Variants in NKAIN3 observed in about 807,000 individuals in gnomAD.
NKAIN3 encodes the protein sodium/potassium transporting ATPase interacting 3, also known as sodium/potassium-transporting ATPase subunit beta-1-interacting protein 3.
In NKAIN3, 25 loss-of-function variants were observed where a neutral mutation model predicts 30.2. The ratio of observed to expected loss-of-function variants is 0.83; its 90% confidence interval spans 0.60 to 1.16. The LOEUF (loss-of-function observed/expected upper bound fraction) is 1.16, where lower values mean the gene tolerates loss of function less well. Among genes scored for constraint, NKAIN3 ranks in the 50% most tolerant of loss-of-function variants. NKAIN3 has a pLI of 0.00. For synonymous variants in NKAIN3, 91 were observed against 89.6 expected, an observed-to-expected ratio of 1.02 and a Z score of -0.09; for missense variants, 225 against 254.1, an observed-to-expected ratio of 0.89 and a Z score of 0.78.
At position 62,416,251 on chromosome 8, in the gene NKAIN3, T is replaced by C. The variant is rs138094928; in HGVS notation, c.55-163288T>C. On this transcript the variant is annotated intron_variant, in intron 1 of 6. Transcript: ENST00000623646. ...TTAAGGATTCAATAGCTGTATTCAG[T>C]CAATATGTTTCTTCCTCTAAAATAA... is the stretch of plus-strand genomic sequence containing the variant. Among the ~76,000 whole-genome samples, 1,251 of 152,310 alleles carry C rather than the reference T, an allele frequency of 8.2e-3. 17 individuals carry two copies. The highest frequency in any genetic ancestry group is 0.029 in the African/African-American group (1,199 of 41,554).
At chr8:62,615,623 G>A (rs1811430146) in intron 3 of NKAIN3, among the ~76,000 whole-genome samples, 1 of 152,164 alleles carries the variant, frequency 6.6e-6, no homozygotes, top group Admixed American at 6.5e-5. Flanking sequence ...GCCCTTAGCA[G>A]GGAGGTTTGC....
At chr8:62,390,142 C>T (rs1167994213) in intron 1 of NKAIN3, among the ~76,000 whole-genome samples, 2 of 151,934 alleles carry the variant, frequency 1.3e-5, no homozygotes, top group African/African-American at 4.8e-5. Flanking sequence ...TTTTGTCACC[C>T]AGGTTTTAGG....
chr8:62,399,343 T>A (rs1267597328), intron 1 of NKAIN3, among the ~76,000 whole-genome samples: 1 of 151,828 alleles, frequency 6.6e-6, no homozygotes, highest in Non-Finnish European at 1.5e-5. Flanking sequence ...CCATCTCTAC[T>A]AAAAATACAA....
intron 6 of NKAIN3, among the ~76,000 whole-genome samples, chr8:62,955,943 C>T (rs1823407122): frequency 6.6e-6 from 1 of 152,190 alleles, no homozygotes; most frequent in South Asian, 2.1e-4. Flanking sequence ...AGCAATAGAA[C>T]AAGCTTCTGC....
intron 4 of NKAIN3, among the ~76,000 whole-genome samples, chr8:62,831,574 TC>T (rs1399248000): frequency 6.6e-6 from 1 of 151,938 alleles, no homozygotes; most frequent in Admixed American, 6.6e-5. Flanking sequence ...TTAAGAAATT[TC>T]AAAATACAAA....
At chr8:62,494,801 G>T (rs1253456090) in intron 1 of NKAIN3, among the ~76,000 whole-genome samples, 1 of 152,124 alleles carries the variant, frequency 6.6e-6, no homozygotes, top group Non-Finnish European at 1.5e-5. Context: ...AAGCCTAGAA[G>T]TGTTCATAGT....
chr8:62,967,945 A>G lies in NKAIN3; in HGVS notation c.*2538A>G, dbSNP rs141036534. ...AAGTGCAGATAACAGCTTTGAGGAA[A>G]AAATCCTTACCTTAGTGATTTGTCT... On this transcript the variant is annotated 3_prime_UTR_variant, in exon 7 of 7. Transcript: ENST00000623646. Among the ~76,000 whole-genome samples the G allele has an allele frequency of 1.2e-4, 18 of 152,320 alleles. No individual in the cohort carries two copies. Among genetic ancestry groups the G allele is most frequent in the African/African-American group, 4.3e-4 (18 of 41,576 alleles).
At chr8:62,300,716 A>G (rs1029733555) in intron 1 of NKAIN3, among the ~76,000 whole-genome samples, 2 of 152,140 alleles carry the variant, frequency 1.3e-5, no homozygotes, top group Admixed American at 1.3e-4. Flanking sequence ...TTTCATATAA[A>G]TTATTGAAAA....
chr8:62,634,185 C>G (rs534749538), intron 3 of NKAIN3, among the ~76,000 whole-genome samples: 1 of 151,134 alleles, frequency 6.6e-6, no homozygotes, highest in Non-Finnish European at 1.5e-5. Flanking sequence ...TTTTTTTCCT[C>G]AGGAAACCAA....
rs185562118 is a variant in NKAIN3, at chr8:62,974,591, A to G, written c.*9184A>G. Among the ~76,000 whole-genome samples, 100 of 152,276 alleles carry G rather than the reference A, an allele frequency of 6.6e-4. No individual in the cohort carries two copies. The highest frequency in any genetic ancestry group is 1.0e-3 in the Non-Finnish European group (71 of 68,016). ...GACAATGGGGTTTTCTAAATGTACA[A>G]CCATATCATCTGCAAACAGAGATAA... On this transcript the variant is annotated 3_prime_UTR_variant, in exon 7 of 7. Coordinates refer to ENST00000623646, the MANE Select transcript of NKAIN3 (RefSeq NM_001304533.3).
intron 3 of NKAIN3, among the ~76,000 whole-genome samples, chr8:62,681,301 G>C (rs534792412): frequency 6.6e-6 from 1 of 152,224 alleles, no homozygotes; most frequent in Non-Finnish European, 1.5e-5. Context: ...TATTGAATGA[G>C]AGGTTATAGT....
chr8:62,724,767 TA>T (rs1158234110), intron 3 of NKAIN3, among the ~76,000 whole-genome samples: 2 of 152,172 alleles, frequency 1.3e-5, no homozygotes, highest in African/African-American at 4.8e-5. Context: ...ACATTCCCTT[TA>T]TTCATTCTTT....
intron 1 of NKAIN3, among the ~76,000 whole-genome samples, chr8:62,299,013 C>T (rs1813943591): frequency 6.6e-6 from 1 of 151,782 alleles, no homozygotes; most frequent in African/African-American, 2.4e-5. Flanking sequence ...ATATTTGCTG[C>T]ATGAATAAAT....
chr8:62,400,651 C>T (rs1803829884), intron 1 of NKAIN3, among the ~76,000 whole-genome samples: 1 of 151,454 alleles, frequency 6.6e-6, no homozygotes, highest in Admixed American at 6.6e-5. Flanking sequence ...TCTCCTTCAT[C>T]TTTGAAGGAT....
chr8:62,823,755 G>T (rs1563579772), intron 4 of NKAIN3, among the ~76,000 whole-genome samples: 2 of 152,072 alleles, frequency 1.3e-5, no homozygotes, highest in African/African-American at 4.8e-5. Flanking sequence ...ATGACTAAGG[G>T]CAAGGCTTTC....
chr8:62,815,612 A>G (rs779882912), intron 4 of NKAIN3, among the ~76,000 whole-genome samples: 5 of 152,192 alleles, frequency 3.3e-5, no homozygotes, highest in African/African-American at 1.2e-4. Context: ...AGAACCAAAG[A>G]CAAAAACCAC....
At position 62,484,429 on chromosome 8, in the gene NKAIN3, T is replaced by C. The variant is rs546320343; in HGVS notation, c.55-95110T>C. Among the ~76,000 whole-genome samples, 9 of 152,336 alleles carry C rather than the reference T, an allele frequency of 5.9e-5. No homozygotes were observed. The South Asian group carries it at 1.9e-3, about 32-fold the overall frequency. On this transcript the variant is annotated intron_variant, in intron 1 of 6. Transcript: ENST00000623646. ...CCTCATTCACCATTAGTTGAACTAC[T>C]TCTGCTTTCTGCTCCGTGGGGTTTG...
At chr8:62,412,649 C>G (rs894358381) in intron 1 of NKAIN3, among the ~76,000 whole-genome samples, 3 of 151,948 alleles carry the variant, frequency 2.0e-5, no homozygotes, top group Admixed American at 2.0e-4. Flanking sequence ...AATCCCAGCA[C>G]TTTGGGAGGC....
intron 3 of NKAIN3, among the ~76,000 whole-genome samples, chr8:62,658,062 G>T (rs1342588236): frequency 1.3e-5 from 2 of 152,192 alleles, no homozygotes. Context: ...TTGCATTAAT[G>T]AAGGGCAGCC....
Sources: allele counts gnomAD v4.1 joint callset (sites outside exome capture counted in the v4.1 genomes callset), GRCh38; gene constraint gnomAD v4.1.1; transcripts MANE v1.5; gene names NCBI Gene and HGNC (gene_info 2026-07-23, HGNC 2026-07-21).